NFU1: variants seen among roughly 807,000 people sequenced by gnomAD.
NFU1 encodes NFU1 iron-sulfur cluster scaffold homolog, mitochondrial.
A neutral mutation model predicts 32.2 loss-of-function variants in NFU1; 30 were observed. That is an observed-to-expected ratio of 0.93 (90% CI 0.70 to 1.26). The LOEUF is 1.26. NFU1 is among the 50% of genes most tolerant of loss of function. The pLI, the probability that NFU1 is intolerant of heterozygous loss-of-function variation, is 0.00. For synonymous variants in NFU1, 112 were observed against 104.6 expected, an observed-to-expected ratio of 1.07 and a Z score of -0.43; for missense variants, 306 against 306.6, an observed-to-expected ratio of 1.00 and a Z score of 0.02.
chr2:69,423,092 T>G (rs1673298949), intron 3 of NFU1, among the ~76,000 whole-genome samples: 1 of 148,602 alleles, frequency 6.7e-6, no homozygotes, highest in South Asian at 2.1e-4. Flanking sequence ...TCTTCCCATC[T>G]CAGCCTTCTG....
chr2:69,426,043 G>A (rs1673443821), intron 2 of NFU1, among the ~76,000 whole-genome samples: 1 of 152,152 alleles, frequency 6.6e-6, no homozygotes, highest in Non-Finnish European at 1.5e-5. Flanking sequence ...CACAATCTTG[G>A]CTCACTACAA....
intron 3 of NFU1, among the ~76,000 whole-genome samples, chr2:69,421,533 G>A (rs1309241134): frequency 1.4e-5 from 2 of 147,412 alleles, no homozygotes; most frequent in Admixed American, 6.8e-5. Context: ...GTTAAAAAGA[G>A]GTTCATCCCA....
At chr2:69,408,971 T>C (rs1446816377) in intron 5 of NFU1, among the ~76,000 whole-genome samples, 2 of 148,956 alleles carry the variant, frequency 1.3e-5, no homozygotes, top group Non-Finnish European at 3.0e-5. Context: ...TCCTAAGTAG[T>C]TGGAATTACA....
At chr2:69,400,267 T>C (rs1672476897) in intron 7 of NFU1, 97 bp downstream of exon 7, 1 of 1,158,602 alleles carries the variant, frequency 8.6e-7, no homozygotes, top group Non-Finnish European at 1.3e-6. Flanking sequence ...TGAACTTCTT[T>C]TCAAATACTT....
chr2:69,417,677 T>C (rs984669420), intron 4 of NFU1, among the ~76,000 whole-genome samples: 1 of 151,752 alleles, frequency 6.6e-6, no homozygotes, highest in African/African-American at 2.4e-5. Flanking sequence ...TAGATAGATA[T>C]ACACACACAC....
At position 69,435,607 on chromosome 2, in the gene NFU1, T is replaced by A. The variant is rs1020759923; in HGVS notation, c.62+1754A>T. On this transcript the variant is annotated intron_variant, in intron 1 of 7. Coordinates refer to ENST00000410022, the MANE Select transcript of NFU1 (RefSeq NM_001002755.4). ...GTAACCCATAGAGTTTCTTAGATGC[T>A]ATTGGAGAGATAAAAGGATTGGCAC... is the stretch of plus-strand genomic sequence containing the variant. Among the ~76,000 whole-genome samples, 6 of 152,162 alleles carry A rather than the reference T, an allele frequency of 3.9e-5. No homozygotes were observed. In the South Asian group the frequency reaches 1.0e-3, roughly 26 times the overall value.
chr2:69,433,063 T>C (rs1359178382), intron 1 of NFU1, among the ~76,000 whole-genome samples: 1 of 130,636 alleles, frequency 7.7e-6, no homozygotes, highest in Non-Finnish European at 1.5e-5. Context: ...GGCAGAGGAA[T>C]CGCTTGAACC....
Position 69,415,311 on chromosome 2 carries a change from T to A in NFU1, c.370-12A>T. ...AATTCTTCATTTTCCTATAAACATT[T>A]AAAGGAAAATGCTGTATTTCCAGGC... On this transcript the variant is annotated splice_polypyrimidine_tract_variant and intron_variant, in intron 4 of 7. Coordinates refer to ENST00000410022, the MANE Select transcript of NFU1 (RefSeq NM_001002755.4). The A allele has an allele frequency of 6.8e-7, 1 of 1,480,248 alleles. No individual in the cohort carries two copies. Among genetic ancestry groups the A allele is most frequent in the Non-Finnish European group, 9.4e-7 (1 of 1,059,774 alleles). 91.7% of individuals were successfully genotyped at this position (1,480,248 alleles called of 1,614,324 possible).
upstream of NFU1, among the ~76,000 whole-genome samples, chr2:69,438,352 T>G (rs895730528): frequency 6.6e-6 from 1 of 151,764 alleles, no homozygotes; most frequent in Non-Finnish European, 1.5e-5. Context: ...TGGGCTCAAG[T>G]GATTCATCCT....
chr2:69,413,574 A>G (rs1037917648), intron 5 of NFU1, among the ~76,000 whole-genome samples: 1 of 152,198 alleles, frequency 6.6e-6, no homozygotes, highest in Non-Finnish European at 1.5e-5. Flanking sequence ...CAGCCCGGCC[A>G]ACATGGCAAA....
At chr2:69,407,811 G>C (rs1672749498) in intron 5 of NFU1, among the ~76,000 whole-genome samples, 1 of 151,100 alleles carries the variant, frequency 6.6e-6, no homozygotes, top group Non-Finnish European at 1.5e-5. Context: ...TCAGGAGTTT[G>C]AGACCAGCCT....
chr2:69,425,873 A>G (rs887334089), intron 2 of NFU1, among the ~76,000 whole-genome samples: 2 of 152,234 alleles, frequency 1.3e-5, no homozygotes, highest in Non-Finnish European at 2.9e-5. Context: ...ACGGAGGCTT[A>G]GAGATATTAA....
chr2:69,438,236 CT>C (rs1219864780), upstream of NFU1, among the ~76,000 whole-genome samples: 1 of 150,798 alleles, frequency 6.6e-6, no homozygotes, highest in Non-Finnish European at 1.5e-5. Flanking sequence ...GACTAGAAAT[CT>C]TTGTTACTTG....
upstream of NFU1, among the ~76,000 whole-genome samples, chr2:69,438,042 A>G (rs1673918263): frequency 1.3e-5 from 2 of 152,152 alleles, no homozygotes; most frequent in African/African-American, 4.8e-5. Context: ...CAGAGTGCCA[A>G]AGCCCATTAC....
At chr2:69,419,743 G>A (rs1308825795) in intron 3 of NFU1, 139 bp from the exon 4 acceptor site, 2 of 644,564 alleles carry the variant, frequency 3.1e-6, no homozygotes, top group African/African-American at 1.8e-5. Context: ...GGCCAATTTT[G>A]TTTTATATTC....
In NFU1 at chr2:69,400,456, A is replaced by G. The variant is rs1672485789; in HGVS notation, c.628T>C (p.Cys210Arg). ...GIVQLKLQGS[C>R]TSCPSSIITL... is the part of the protein sequence containing the mutation. The stretch of plus-strand genomic sequence containing the variant: ...ATGATTGAACTAGGGCAGCTGGTAC[A>G]AGAACCCTGGAGTTTCAGCTGTACA... The change falls in exon 7 of 8, where the codon TGT becomes CGT. Residue 210 changes from cysteine to arginine, a missense_variant. Transcript: ENST00000410022. The G allele has an allele frequency of 6.2e-7, 1 of 1,614,036 alleles. No homozygotes were observed. The highest frequency in any genetic ancestry group is 1.3e-5 in the African/African-American group (1 of 74,940).
At chr2:69,432,059 G>T in intron 1 of NFU1, 54 bp from the exon 2 acceptor site, 1 of 1,249,182 alleles carries the variant, frequency 8.0e-7, no homozygotes, top group Non-Finnish European at 1.2e-6. Flanking sequence ...ATCTTTTAAA[G>T]TTGGTTTCTA....
chr2:69,438,667 T>C (rs559918172), upstream of NFU1, among the ~76,000 whole-genome samples: 171 of 152,252 alleles, frequency 1.1e-3, no homozygotes, highest in African/African-American at 3.9e-3. Flanking sequence ...AGCACACCTG[T>C]TGTTGAACAG....
chr2:69,419,439 T>A (rs1673168566), intron 4 of NFU1, 99 bp downstream of exon 4: 10 of 685,308 alleles, frequency 1.5e-5, no homozygotes, highest in South Asian at 1.2e-4. Flanking sequence ...ATATAAAAAT[T>A]AAAGAACAGA....
Sources: gnomAD v4.1 joint callset for allele counts (sites outside exome capture counted in the v4.1 genomes callset) on GRCh38, gnomAD v4.1.1 for gene constraint, MANE v1.5 for transcripts, NCBI Gene and HGNC (gene_info 2026-07-23, HGNC 2026-07-21) for gene names.